The following LRP6 variants were observed in gnomAD, a reference collection of about 807,000 sequenced individuals.
The protein encoded by LRP6 is low-density lipoprotein receptor-related protein 6.
A neutral mutation model predicts 184.1 loss-of-function variants in LRP6; 43 were observed. The observed-to-expected ratio is 0.23, with a 90% CI of 0.18 to 0.30. The LOEUF (loss-of-function observed/expected upper bound fraction) is 0.30, where lower values mean the gene tolerates loss of function less well. Ranked by LOEUF, LRP6 falls within the 10% of genes least tolerant of loss-of-function variation. The probability of loss-of-function intolerance (pLI) is 1.00; values close to 1 mark genes in which losing one functional copy is unlikely to be tolerated. For synonymous variants in LRP6, 719 were observed against 684.9 expected, an observed-to-expected ratio of 1.05 and a Z score of -0.78; for missense variants, 1,571 against 2,005.3, an observed-to-expected ratio of 0.78 and a Z score of 4.14.
At chr12:12,236,307 C>T (rs1000268502) in intron 2 of LRP6, among the ~76,000 whole-genome samples, 5 of 152,164 alleles carry the variant, frequency 3.3e-5, no homozygotes, top group African/African-American at 1.2e-4. Flanking sequence ...AAAGAGCTCC[C>T]AGTGGTCAAA....
rs1865772695 is a variant in LRP6, at chr12:12,266,620, A to G, written c.55+61T>C. The G allele has an allele frequency of 3.4e-6, 4 of 1,188,346 alleles. No homozygotes were observed. In the South Asian group the frequency reaches 3.8e-5, roughly 11 times the overall value. The allele number at this position is 1,188,346 out of a possible 1,614,324, so 73.6% of individuals were successfully genotyped here. ...CCGTCCCTCCCCTCCCCCTAGACAC[A>G]TACAACAAGGCCACCTCCCCCCGAA... On this transcript the variant is annotated intron_variant, in intron 1 of 22. Coordinates refer to ENST00000261349, the MANE Select transcript of LRP6 (RefSeq NM_002336.3).
intron 1 of LRP6, among the ~76,000 whole-genome samples, chr12:12,245,645 T>C: frequency 6.6e-6 from 1 of 152,246 alleles, no homozygotes; most frequent in Non-Finnish European, 1.5e-5. Flanking sequence ...TACTTTATTC[T>C]GTTCTATATT....
chr12:12,124,105 G>A (rs886518927), intron 22 of LRP6, among the ~76,000 whole-genome samples: 5 of 151,988 alleles, frequency 3.3e-5, no homozygotes, highest in Non-Finnish European at 5.9e-5. Context: ...CAGGTGTGGT[G>A]GCTCACACCT....
chr12:12,177,095 C>T (rs1863209228), intron 7 of LRP6, among the ~76,000 whole-genome samples: 2 of 152,022 alleles, frequency 1.3e-5, no homozygotes, highest in Admixed American at 1.3e-4. Flanking sequence ...ATCCACCCAC[C>T]TCGGCCTCCC....
chr12:12,160,085 G>T (rs965458495), intron 10 of LRP6, 121 bp from the exon 11 acceptor site: 4 of 711,936 alleles, frequency 5.6e-6, no homozygotes, highest in Admixed American at 3.0e-5. Flanking sequence ...AAGGAAATGG[G>T]TTAAACAAAA....
chr12:12,204,676 A>C (rs1362160668), intron 2 of LRP6, among the ~76,000 whole-genome samples: 1 of 152,018 alleles, frequency 6.6e-6, no homozygotes, highest in Non-Finnish European at 1.5e-5. Context: ...TAATCCCAGC[A>C]CTTTGGGAGG....
chr12:12,154,097 C>G (rs770532119), intron 12 of LRP6, among the ~76,000 whole-genome samples: 1 of 152,190 alleles, frequency 6.6e-6, no homozygotes. Flanking sequence ...CACTTCAGTA[C>G]TGAATAAAGG....
chr12:12,165,433 C>T, intron 7 of LRP6, 138 bp from the exon 8 acceptor site: 1 of 703,026 alleles, frequency 1.4e-6, no homozygotes, highest in Non-Finnish European at 2.5e-6. Context: ...CTCAAAATTA[C>T]ATGATGATTT....
intron 15 of LRP6, chr12:12,138,904 T>G (rs1328334004): frequency 7.3e-7 from 1 of 1,370,646 alleles, no homozygotes; most frequent in Non-Finnish European, 9.8e-7. Context: ...CTGAGGCATT[T>G]ATGAAGAACA....
chr12:12,156,484 C>G (rs1261169200), intron 12 of LRP6, among the ~76,000 whole-genome samples: 1 of 152,122 alleles, frequency 6.6e-6, no homozygotes, highest in Non-Finnish European at 1.5e-5. Context: ...TCATGTAGGA[C>G]CCAGTAGGCC....
intron 13 of LRP6, 134 bp from the exon 14 acceptor site, chr12:12,149,287 C>A: frequency 1.3e-6 from 1 of 741,864 alleles, no homozygotes; most frequent in Non-Finnish European, 2.4e-6. Flanking sequence ...GTATTTCTTA[C>A]TGATACCTTT....
intron 17 of LRP6, among the ~76,000 whole-genome samples, chr12:12,134,362 T>G (rs538674355): frequency 6.6e-6 from 1 of 152,210 alleles, no homozygotes; most frequent in East Asian, 1.9e-4. Context: ...CTGTAGATAA[T>G]AGTATGATGT....
chr12:12,173,416 C>T (rs971070253), intron 7 of LRP6, among the ~76,000 whole-genome samples: 1 of 152,196 alleles, frequency 6.6e-6, no homozygotes, highest in Non-Finnish European at 1.5e-5. Flanking sequence ...GATCTCAGCT[C>T]GCTGCAACCT....
chr12:12,172,073 T>C (rs550727080), intron 7 of LRP6, among the ~76,000 whole-genome samples: 1 of 152,348 alleles, frequency 6.6e-6, no homozygotes, highest in East Asian at 1.9e-4. Context: ...ACTGTGCCAA[T>C]GTTAATTAAA....
chr12:12,236,914 A>ATTT (rs34993303), intron 2 of LRP6, among the ~76,000 whole-genome samples: 47 of 150,270 alleles, frequency 3.1e-4, no homozygotes, highest in African/African-American at 1.0e-3. Flanking sequence ...TAATTCAGGG[A>ATTT]TTTTTTTTTT....
At chr12:12,142,274 C>T (rs967850199) in intron 15 of LRP6, among the ~76,000 whole-genome samples, 2 of 151,826 alleles carry the variant, frequency 1.3e-5, no homozygotes, top group Non-Finnish European at 2.9e-5. Context: ...GATTAGCTGG[C>T]GGTAATGAAA....
Position 12,222,141 on chromosome 12 carries a change from A to C in LRP6, c.450-18741T>G, listed in dbSNP as rs558144518. 2.3e-4 allele frequency among the ~76,000 whole-genome samples: 35 copies of C among 152,354 alleles called. No homozygotes were observed. The South Asian group carries it at 6.2e-3, about 27-fold the overall frequency. ...CACAAGTACTGCTTAAATTTTACTA[A>C]GCAGTAAATTTTACTAAGTAAAAAT... On this transcript the variant is annotated intron_variant, in intron 2 of 22. Transcript: ENST00000261349.
chr12:12,251,945 TTGCAACGGCACAATCATAGCTCAC>T (rs1306073363), intron 1 of LRP6, among the ~76,000 whole-genome samples: 87 of 152,124 alleles, frequency 5.7e-4, no homozygotes, highest in African/African-American at 2.0e-3. Flanking sequence ...TCATGGCTCA[TTGCAACGGCACAATCATAGCTCAC>T]TGCAGCTTCA....
intron 19 of LRP6, 30 bp from the exon 20 acceptor site, chr12:12,126,951 A>G (rs1432065963): frequency 4.5e-6 from 7 of 1,559,986 alleles, no homozygotes; most frequent in African/African-American, 2.7e-5. Flanking sequence ...ATGGTTATTT[A>G]ATAGAAAAAC....
Sources: gnomAD v4.1 joint callset for allele counts (sites outside exome capture counted in the v4.1 genomes callset) on GRCh38, gnomAD v4.1.1 for gene constraint, MANE v1.5 for transcripts, NCBI Gene and HGNC (gene_info 2026-07-23, HGNC 2026-07-21) for gene names.